Variants in ENTREP2 observed in about 807,000 individuals in gnomAD.
ENTREP2 encodes the protein endosomal transmembrane epsin interactor 2, also known as protein ENTREP2.
the ENTREP2 span, among the ~76,000 whole-genome samples, chr15:29,487,706 G>C: frequency 6.6e-6 from 1 of 152,206 alleles, no homozygotes; most frequent in Admixed American, 6.5e-5. Flanking sequence ...TTGTTCGTTT[G>C]TTTTGAGACA....
the ENTREP2 span, among the ~76,000 whole-genome samples, chr15:29,422,343 T>C: frequency 3.3e-5 from 5 of 152,194 alleles, no homozygotes; most frequent in East Asian, 9.7e-4. Context: ...GAGCAGGTTA[T>C]CTCTCACCCA....
chr15:29,155,048 C>G, the ENTREP2 span, among the ~76,000 whole-genome samples: 2 of 151,400 alleles, frequency 1.3e-5, no homozygotes, highest in Non-Finnish European at 2.9e-5. Flanking sequence ...TTTGGGAGGC[C>G]AAGGTGGGTG....
At chr15:29,305,480 C>T in the ENTREP2 span, among the ~76,000 whole-genome samples, 1 of 152,112 alleles carries the variant, frequency 6.6e-6, no homozygotes, top group Non-Finnish European at 1.5e-5. Flanking sequence ...GTGGTTCAGA[C>T]CAGAGAAGCT....
chr15:29,405,324 G>A, the ENTREP2 span, among the ~76,000 whole-genome samples: 1 of 151,810 alleles, frequency 6.6e-6, no homozygotes, highest in Non-Finnish European at 1.5e-5. Flanking sequence ...GGGAGGTGGA[G>A]GTTGCAGTGA....
At chr15:29,389,030 A>G in the ENTREP2 span, among the ~76,000 whole-genome samples, 43 of 151,896 alleles carry the variant, frequency 2.8e-4, no homozygotes, top group South Asian at 6.3e-4. Flanking sequence ...GAGTTAATGG[A>G]TGCAGCACAC....
chr15:29,130,777 C>T, the ENTREP2 span, among the ~76,000 whole-genome samples: 1 of 152,164 alleles, frequency 6.6e-6, no homozygotes, highest in Non-Finnish European at 1.5e-5. Context: ...CAGAAGCCAC[C>T]TTGCCACGCT....
the ENTREP2 span, among the ~76,000 whole-genome samples, chr15:29,158,730 A>C: frequency 6.6e-6 from 1 of 152,182 alleles, no homozygotes; most frequent in African/African-American, 2.4e-5. Flanking sequence ...TATGAGAGAG[A>C]GGCGGGTCTT....
At chr15:29,125,333 C>A in the ENTREP2 span, among the ~76,000 whole-genome samples, 1,342 of 152,306 alleles carry the variant, frequency 8.8e-3, 40 homozygotes, top group East Asian at 0.067. Flanking sequence ...GGGACTCTCT[C>A]CCTGTGAGCT....
At chr15:29,168,704 G>C in the ENTREP2 span, among the ~76,000 whole-genome samples, 2 of 152,186 alleles carry the variant, frequency 1.3e-5, no homozygotes, top group Non-Finnish European at 2.9e-5. Flanking sequence ...AATGTCGATG[G>C]ATTTTGGCCT....
the ENTREP2 span, among the ~76,000 whole-genome samples, chr15:29,352,187 G>A: frequency 1.3e-4 from 19 of 151,264 alleles, no homozygotes; most frequent in African/African-American, 4.1e-4. Flanking sequence ...CTCCTGCCTT[G>A]GCCTCCCAAA....
At chr15:29,255,510 A>T in the ENTREP2 span, among the ~76,000 whole-genome samples, 1 of 152,178 alleles carries the variant, frequency 6.6e-6, no homozygotes, top group East Asian at 1.9e-4. Flanking sequence ...CAGCAATCCC[A>T]TTACTAGGTA....
At chr15:29,335,303 T>C in the ENTREP2 span, among the ~76,000 whole-genome samples, 2 of 152,226 alleles carry the variant, frequency 1.3e-5, no homozygotes. Context: ...CCATTAAAGA[T>C]GCTTTTTAAC....
the ENTREP2 span, among the ~76,000 whole-genome samples, chr15:29,296,765 T>C: frequency 6.6e-6 from 1 of 152,116 alleles, no homozygotes; most frequent in African/African-American, 2.4e-5. Context: ...CAACAGAGCA[T>C]CCATCAGGGA....
the ENTREP2 span, among the ~76,000 whole-genome samples, chr15:29,502,901 A>G: frequency 6.6e-6 from 1 of 152,020 alleles, no homozygotes; most frequent in African/African-American, 2.4e-5. Flanking sequence ...CCACAATGAC[A>G]TACCAATTTC....
the ENTREP2 span, among the ~76,000 whole-genome samples, chr15:29,184,939 G>A: frequency 2.6e-5 from 4 of 152,088 alleles, no homozygotes; most frequent in African/African-American, 7.2e-5. Flanking sequence ...CCATGGGTGT[G>A]GTGGTGTGTG....
chr15:29,472,797 A>G, the ENTREP2 span, among the ~76,000 whole-genome samples: 8 of 152,236 alleles, frequency 5.3e-5, no homozygotes, highest in African/African-American at 1.9e-4. Flanking sequence ...TATTTTATAA[A>G]TTAGTGTAAT....
At chr15:29,592,614 C>A in the ENTREP2 span, among the ~76,000 whole-genome samples, 6 of 152,230 alleles carry the variant, frequency 3.9e-5, no homozygotes, top group Admixed American at 3.3e-4. Context: ...ATTCTGTTTA[C>A]AACACATGCT....
chr15:29,180,621 G>A, the ENTREP2 span, among the ~76,000 whole-genome samples: 4 of 152,106 alleles, frequency 2.6e-5, no homozygotes, highest in African/African-American at 7.2e-5. Flanking sequence ...CCGAGATCAC[G>A]CCACTGCATT....
chr15:29,557,090 T>C, the ENTREP2 span, among the ~76,000 whole-genome samples: 1 of 152,194 alleles, frequency 6.6e-6, no homozygotes, highest in Non-Finnish European at 1.5e-5. Context: ...AAGATTAGTC[T>C]TTCTCAAACA....
Sources: allele counts gnomAD v4.1 joint callset (sites outside exome capture counted in the v4.1 genomes callset), GRCh38; gene constraint gnomAD v4.1.1; transcripts MANE v1.5; gene names NCBI Gene and HGNC (gene_info 2026-07-23, HGNC 2026-07-21).